The following NCOA2 variants were observed in gnomAD, a reference collection of about 807,000 sequenced individuals.
NCOA2 encodes class E basic helix-loop-helix protein 75.
In NCOA2, 21 loss-of-function variants were observed where a neutral mutation model predicts 145.1. The ratio of observed to expected loss-of-function variants is 0.14; its 90% CI spans 0.10 to 0.21. The LOEUF (loss-of-function observed/expected upper bound fraction) is 0.21. Among genes scored for constraint, NCOA2 ranks in the 10% least tolerant of loss-of-function variants. NCOA2 has a pLI of 1.00. For synonymous variants in NCOA2, 619 were observed against 637.5 expected, an observed-to-expected ratio of 0.97 and a Z score of 0.44; for missense variants, 1,472 against 1,837.6, an observed-to-expected ratio of 0.80 and a Z score of 3.64.
chr8:70,415,631 A>G, the NCOA2 span, among the ~76,000 whole-genome samples: 1 of 152,202 alleles, frequency 6.6e-6, no homozygotes, highest in East Asian at 1.9e-4. Flanking sequence ...CTGTGACCAG[A>G]AAGGCAACAC....
intron 1 of NCOA2, among the ~76,000 whole-genome samples, chr8:70,359,147 C>A (rs1056789645): frequency 6.6e-6 from 1 of 152,170 alleles, no homozygotes; most frequent in Non-Finnish European, 1.5e-5. Flanking sequence ...TAAAATGGTG[C>A]AGCTGCTGTG....
At chr8:70,261,383 C>T (rs1357509954) in intron 2 of NCOA2, among the ~76,000 whole-genome samples, 1 of 151,654 alleles carries the variant, frequency 6.6e-6, no homozygotes, top group African/African-American at 2.4e-5. Context: ...TTCTCACTCA[C>T]AGGTGGGAAT....
At chr8:70,142,466 C>T (rs1046428603) in intron 13 of NCOA2, among the ~76,000 whole-genome samples, 37 of 152,122 alleles carry the variant, frequency 2.4e-4, no homozygotes, top group African/African-American at 8.9e-4. Context: ...AGGGAGGCTG[C>T]GGTGGGCAGA....
chr8:70,337,140 T>G (rs777168433), intron 1 of NCOA2, among the ~76,000 whole-genome samples: 5 of 152,108 alleles, frequency 3.3e-5, no homozygotes. Flanking sequence ...TGGTATGGAC[T>G]GATAATTGAC....
chr8:70,440,235 C>T, the NCOA2 span, among the ~76,000 whole-genome samples: 1 of 151,948 alleles, frequency 6.6e-6, no homozygotes, highest in Admixed American at 6.6e-5. Flanking sequence ...CAAGATTGCA[C>T]CACTGCACTC....
intron 1 of NCOA2, among the ~76,000 whole-genome samples, chr8:70,298,922 G>A (rs1250410348): frequency 1.3e-5 from 2 of 152,062 alleles, no homozygotes; most frequent in African/African-American, 2.4e-5. Flanking sequence ...TTAGCCGGCC[G>A]TGGTGGCAGG....
chr8:70,272,854 A>G (rs1825158757), intron 2 of NCOA2, among the ~76,000 whole-genome samples: 1 of 151,232 alleles, frequency 6.6e-6, no homozygotes, highest in African/African-American at 2.4e-5. Flanking sequence ...TTAAACACTT[A>G]TAAAGTAATA....
intron 2 of NCOA2, among the ~76,000 whole-genome samples, chr8:70,235,644 G>C (rs1821526590): frequency 6.6e-6 from 1 of 152,030 alleles, no homozygotes; most frequent in African/African-American, 2.4e-5. Context: ...AGGAGTTAGA[G>C]ACCAGCCTGG....
At chr8:70,387,213 G>A (rs1812747638) in intron 1 of NCOA2, among the ~76,000 whole-genome samples, 1 of 152,144 alleles carries the variant, frequency 6.6e-6, no homozygotes, top group Non-Finnish European at 1.5e-5. Context: ...TTGTCAGGCT[G>A]CAGTACAGTG....
At chr8:70,170,708 G>T (rs1254642198) in intron 5 of NCOA2, among the ~76,000 whole-genome samples, 2 of 152,122 alleles carry the variant, frequency 1.3e-5, no homozygotes, top group Non-Finnish European at 2.9e-5. Context: ...TTCAAAATGA[G>T]ACTGACATAC....
chr8:70,415,058 C>A, the NCOA2 span, among the ~76,000 whole-genome samples: 2 of 152,272 alleles, frequency 1.3e-5, no homozygotes, highest in Admixed American at 1.3e-4. Flanking sequence ...ATCCTAACAC[C>A]TTTGGAGGCT....
intron 1 of NCOA2, chr8:70,402,450 C>G (rs938298047): frequency 6.6e-6 from 1 of 152,424 alleles, no homozygotes; most frequent in Non-Finnish European, 1.5e-5. Flanking sequence ...CCCCGGAAAC[C>G]ACTAGAGGGA....
Position 70,143,271 on chromosome 8 carries a change from G to A in NCOA2, c.2812+1371C>T, listed in dbSNP as rs562688201. Among the ~76,000 whole-genome samples, 30 of 152,052 alleles carry A rather than the reference G, an allele frequency of 2.0e-4. No individual in the cohort carries two copies. The South Asian group carries it at 3.7e-3, about 19-fold the overall frequency. On this transcript the variant is annotated intron_variant, in intron 13 of 22. Transcript: ENST00000452400. ...CCTAGTCTGTGTTTTTTTAAACAGC[G>A]TGAGAGTATTGTATGATCTTCACAG...
chr8:70,113,413 A>G lies in NCOA2; in HGVS notation c.*219T>C. 1 of 596,364 alleles carries G rather than the reference A, an allele frequency of 1.7e-6. No homozygotes were observed. The highest frequency in any genetic ancestry group is 3.0e-6 in the Non-Finnish European group (1 of 333,568). The allele number at this position is 596,364 out of a possible 1,614,324, so 36.9% of individuals were successfully genotyped here. A position where few individuals can be genotyped will look rare whatever the true frequency, so the allele number is the denominator to read the frequency against. On this transcript the variant is annotated 3_prime_UTR_variant, in exon 23 of 23. Coordinates refer to ENST00000452400, the MANE Select transcript of NCOA2 (RefSeq NM_006540.4). ...GTGAATGCAGTGAACAGACTGAGCG[A>G]CTGTCTGGATGCGAGCTTCAGACTG...
chr8:70,452,810 T>TA, the NCOA2 span, among the ~76,000 whole-genome samples: 2 of 151,992 alleles, frequency 1.3e-5, no homozygotes, highest in African/African-American at 4.8e-5. Context: ...TTTGAACAAT[T>TA]AATTATATGA....
intron 14 of NCOA2, among the ~76,000 whole-genome samples, chr8:70,140,022 G>C (rs761699137): frequency 2.0e-5 from 3 of 152,130 alleles, no homozygotes; most frequent in African/African-American, 4.8e-5. Flanking sequence ...TACAAGAAGA[G>C]GGCTAACATG....
chr8:70,454,369 T>G, the NCOA2 span, among the ~76,000 whole-genome samples: 1 of 152,216 alleles, frequency 6.6e-6, no homozygotes, highest in Non-Finnish European at 1.5e-5. Context: ...AACTAGCAAT[T>G]GTGCAAAGAA....
intron 1 of NCOA2, among the ~76,000 whole-genome samples, chr8:70,334,936 C>G (rs148751810): frequency 7.3e-5 from 11 of 151,584 alleles, no homozygotes; most frequent in Non-Finnish European, 1.5e-4. Flanking sequence ...CCAGCCTGAC[C>G]GACACGGTGA....
At chr8:70,165,713 G>A (rs1002786880) in intron 7 of NCOA2, among the ~76,000 whole-genome samples, 3 of 152,096 alleles carry the variant, frequency 2.0e-5, no homozygotes, top group Non-Finnish European at 2.9e-5. Context: ...CCTCTCTTTA[G>A]TACCATTGTA....
Sources: allele counts gnomAD v4.1 joint callset (sites outside exome capture counted in the v4.1 genomes callset), GRCh38; gene constraint gnomAD v4.1.1; transcripts MANE v1.5; gene names NCBI Gene and HGNC (gene_info 2026-07-23, HGNC 2026-07-21).